MFN1: variants seen among roughly 807,000 people sequenced by gnomAD.
MFN1 encodes the protein mitofusin-1.
A neutral mutation model predicts 92.4 loss-of-function variants in MFN1; 65 were observed. The observed-to-expected ratio is 0.70, with a 90% CI of 0.58 to 0.86. MFN1 has a LOEUF of 0.86. MFN1 is among the 40% of genes least tolerant of loss of function. The pLI, the probability that MFN1 is intolerant of heterozygous loss-of-function variation, is 0.00. For missense variants in MFN1, 781 were observed against 868.0 expected (o/e 0.90, Z 1.26); for synonymous variants, 297 against 300.9 (o/e 0.99, Z 0.13).
intron 14 of MFN1, 67 bp from the exon 15 acceptor site, chr3:179,385,502 G>GTTTC: frequency 6.9e-7 from 1 of 1,440,570 alleles, no homozygotes; most frequent in Non-Finnish European, 9.3e-7. Flanking sequence ...TAATTTTAGA[G>GTTTC]TTTTATAAAG....
intron 4 of MFN1, 104 bp downstream of exon 4, chr3:179,359,106 A>G: frequency 2.4e-6 from 3 of 1,266,178 alleles, no homozygotes; most frequent in Non-Finnish European, 3.1e-6. Flanking sequence ...ACATCTTATA[A>G]AAAGAACTGT....
chr3:179,365,177 C>A lies in MFN1; in HGVS notation c.705C>A (p.Leu235=). The A allele has an allele frequency of 6.4e-7, 1 of 1,551,692 alleles. No individual in the cohort carries two copies. Among genetic ancestry groups the A allele is most frequent in the South Asian group, 1.3e-5 (1 of 78,840 alleles). Residue 235 remains leucine (L), a synonymous_variant, in exon 7 of 18, where the codon CTC becomes CTA. Transcript: ENST00000471841. Reference sequence around the variant, plus strand: ...TTTCCAAGCCTAATATTTTCATTCTCAATAATCGTTGGGATGCCTCTGCAT... The same window carrying A: ...TTTCCAAGCCTAATATTTTCATTCTAAATAATCGTTGGGATGCCTCTGCAT... ...ERLSKPNIFI[L]NNRWDASASE...
chr3:179,379,339 A>T (rs1056203519), intron 14 of MFN1, among the ~76,000 whole-genome samples: 1 of 152,130 alleles, frequency 6.6e-6, no homozygotes, highest in Non-Finnish European at 1.5e-5. Flanking sequence ...GATACTGTTT[A>T]AAAAAAATTT....
At chr3:179,389,628 A>G (rs906394128) in intron 16 of MFN1, among the ~76,000 whole-genome samples, 1 of 152,158 alleles carries the variant, frequency 6.6e-6, no homozygotes, top group East Asian at 1.9e-4. Context: ...ATATTGTTAA[A>G]TTTTGCTATA....
chr3:179,384,849 C>T (rs1019502140), intron 14 of MFN1, among the ~76,000 whole-genome samples: 23 of 150,264 alleles, frequency 1.5e-4, no homozygotes, highest in Non-Finnish European at 3.1e-4. Flanking sequence ...ATATATTTCT[C>T]TTGCCTGTGG....
intron 10 of MFN1, among the ~76,000 whole-genome samples, chr3:179,376,224 C>A (rs1713235084): frequency 6.6e-6 from 1 of 152,184 alleles, no homozygotes; most frequent in Non-Finnish European, 1.5e-5. Context: ...ACGCAAGGAT[C>A]AGAACCCTGA....
At chr3:179,372,948 A>T (rs950428946) in intron 9 of MFN1, among the ~76,000 whole-genome samples, 1 of 152,188 alleles carries the variant, frequency 6.6e-6, no homozygotes, top group Non-Finnish European at 1.5e-5. Context: ...GTTCACTATT[A>T]TGTAATTATT....
intron 3 of MFN1, among the ~76,000 whole-genome samples, chr3:179,353,841 C>T (rs990507958): frequency 3.9e-5 from 6 of 152,244 alleles, no homozygotes; most frequent in African/African-American, 1.4e-4. Context: ...ATTCCCTTTG[C>T]CTACAACTCA....
rs1577010406 is a variant in MFN1, at chr3:179,372,707, C to T, written c.976-2513C>T. On this transcript the variant is annotated intron_variant, in intron 9 of 17. Coordinates refer to ENST00000471841, the MANE Select transcript of MFN1 (RefSeq NM_033540.3). ...GCCTAATAACTTTTGGAGATCTTTT[C>T]TGTCTCGTCTAGCTCTAACACTGTG... Among the ~76,000 whole-genome samples, 3 of 152,212 alleles carry T rather than the reference C, an allele frequency of 2.0e-5. 1 individual carries two copies. In the Middle Eastern group the frequency reaches 0.01, roughly 518 times the overall value.
intron 9 of MFN1, among the ~76,000 whole-genome samples, chr3:179,374,414 A>ACAT (rs1577011243): frequency 5.7e-4 from 67 of 117,478 alleles, no homozygotes; most frequent in East Asian, 1.8e-3. Context: ...ATATATATAT[A>ACAT]AGATAACAAG....
At chr3:179,389,755 C>T (rs1173557011) in intron 16 of MFN1, among the ~76,000 whole-genome samples, 1 of 152,094 alleles carries the variant, frequency 6.6e-6, no homozygotes, top group African/African-American at 2.4e-5. Flanking sequence ...TGAAGAAACA[C>T]ACCCATCTTT....
At chr3:179,365,997 A>G (rs1450057656) in intron 7 of MFN1, among the ~76,000 whole-genome samples, 2 of 152,184 alleles carry the variant, frequency 1.3e-5, no homozygotes, top group African/African-American at 4.8e-5. Context: ...TCTGGTATGC[A>G]TATGTATGCA....
At chr3:179,384,804 G>T (rs1713608006) in intron 14 of MFN1, among the ~76,000 whole-genome samples, 2 of 152,110 alleles carry the variant, frequency 1.3e-5, no homozygotes. Flanking sequence ...CAGAGTGCTG[G>T]GACTACAGGC....
intron 9 of MFN1, among the ~76,000 whole-genome samples, chr3:179,369,183 C>G (rs764959707): frequency 2.0e-5 from 3 of 151,634 alleles, no homozygotes; most frequent in Non-Finnish European, 4.4e-5. Flanking sequence ...TTTCCTTTTG[C>G]TTTCACCAAA....
intron 7 of MFN1, among the ~76,000 whole-genome samples, chr3:179,366,479 G>T (rs1712799870): frequency 6.6e-6 from 1 of 150,542 alleles, no homozygotes. Flanking sequence ...TATTTAATTT[G>T]CTTGAGACTA....
At chr3:179,380,155 T>G (rs1317627801) in intron 14 of MFN1, among the ~76,000 whole-genome samples, 28 of 152,214 alleles carry the variant, frequency 1.8e-4, no homozygotes, top group Non-Finnish European at 1.5e-5. Flanking sequence ...TAAAGCATCT[T>G]GATCACAAAA....
At chr3:179,354,799 T>C (rs1712285022) in intron 3 of MFN1, among the ~76,000 whole-genome samples, 1 of 152,066 alleles carries the variant, frequency 6.6e-6, no homozygotes, top group Non-Finnish European at 1.5e-5. Context: ...TCCCCCACTT[T>C]TTCTTTTTTT....
rs747522598 is a variant in MFN1, at chr3:179,378,264, C to T, written c.1330-77C>T. 4 of 1,046,100 alleles carry T rather than the reference C, an allele frequency of 3.8e-6. No individual in the cohort carries two copies. In the African/African-American group the frequency reaches 6.7e-5, roughly 18 times the overall value. The allele number at this position is 1,046,100 out of a possible 1,614,324, so 64.8% of individuals were successfully genotyped here. A position where few individuals can be genotyped will look rare whatever the true frequency, so the allele number is the denominator to read the frequency against. On this transcript the variant is annotated intron_variant, in intron 12 of 17. Coordinates refer to ENST00000471841, the MANE Select transcript of MFN1 (RefSeq NM_033540.3). Reference sequence around the variant, plus strand: ...ATTAAAAAGACCATTTTGGCATTTACTGAATATTTTATGTCTTTATAAAAA... The same window carrying T: ...ATTAAAAAGACCATTTTGGCATTTATTGAATATTTTATGTCTTTATAAAAA...
chr3:179,385,316 G>C (rs1010188019), intron 14 of MFN1, among the ~76,000 whole-genome samples: 18 of 151,334 alleles, frequency 1.2e-4, no homozygotes, highest in African/African-American at 4.1e-4. Context: ...TGTTCCTCTT[G>C]AGAGTTGAGG....
Sources: allele counts gnomAD v4.1 joint callset (sites outside exome capture counted in the v4.1 genomes callset), GRCh38; gene constraint gnomAD v4.1.1; transcripts MANE v1.5; gene names NCBI Gene and HGNC (gene_info 2026-07-23, HGNC 2026-07-21).